KAZN: variants seen among roughly 807,000 people sequenced by gnomAD.
KAZN encodes the protein kazrin.
A neutral mutation model predicts 87.4 loss-of-function variants in KAZN; 40 were observed. The observed-to-expected ratio is 0.46, with a 90% CI of 0.36 to 0.60. The LOEUF (loss-of-function observed/expected upper bound fraction) is 0.60. Among genes scored for constraint, KAZN ranks in the 20% least tolerant of loss-of-function variants. The probability of loss-of-function intolerance (pLI) is 0.00; values close to 1 mark genes in which losing one functional copy is unlikely to be tolerated. For synonymous variants in KAZN, 466 were observed against 458.3 expected (o/e 1.02, Z -0.22); for missense variants, 898 against 1,073.9 (o/e 0.84, Z 2.29).
intron 1 of KAZN, among the ~76,000 whole-genome samples, chr1:14,892,282 G>A (rs1384627603): frequency 6.6e-6 from 1 of 152,098 alleles, no homozygotes; most frequent in African/African-American, 2.4e-5. Context: ...CCCGGGGCTC[G>A]CCTCCAGCCA....
At position 14,599,851 on chromosome 1, in the gene KAZN, G is replaced by A. The variant is rs1460546796; in HGVS notation, c.226+628G>A. On this transcript the variant is annotated intron_variant, in intron 1 of 14. Transcript: ENST00000376030. The surrounding 1 kb of genome is among the most constrained non-coding windows in gnomAD (Gnocchi z 4.4). ...TAAACACCGAGAGCACTTTCCAGGG[G>A]GATACTGTAGACCTCAAAGGTTGAG... is the stretch of plus-strand genomic sequence containing the variant. Among the ~76,000 whole-genome samples, 11 of 152,044 alleles carry A rather than the reference G, an allele frequency of 7.2e-5. No individual in the cohort carries two copies. Among genetic ancestry groups the A allele is most frequent in the Non-Finnish European group, 1.3e-4 (9 of 68,020 alleles).
intron 1 of KAZN, among the ~76,000 whole-genome samples, chr1:14,906,317 T>A (rs1429950182): frequency 6.6e-6 from 1 of 152,036 alleles, no homozygotes; most frequent in African/African-American, 2.4e-5. Flanking sequence ...GTATGCTAGG[T>A]GTTTTCTTTC....
chr1:14,063,274 A>C (rs930883310), intron 1 of KAZN, among the ~76,000 whole-genome samples: 1 of 152,206 alleles, frequency 6.6e-6, no homozygotes, highest in African/African-American at 2.4e-5. Context: ...CAAAACTTGA[A>C]TTGGTTGAGT....
At chr1:13,977,893 C>T (rs527340969) in intron 1 of KAZN, among the ~76,000 whole-genome samples, 4 of 152,158 alleles carry the variant, frequency 2.6e-5, no homozygotes, top group South Asian at 4.1e-4. Context: ...TTTGGGAGGC[C>T]GAGGCGGGTG....
chr1:14,100,859 T>G (rs1358213309), intron 1 of KAZN, among the ~76,000 whole-genome samples: 1 of 152,194 alleles, frequency 6.6e-6, no homozygotes, highest in Non-Finnish European at 1.5e-5. Context: ...AATTGAATCA[T>G]GGGATGGGTC....
chr1:14,058,984 A>G (rs1256532102), intron 1 of KAZN, among the ~76,000 whole-genome samples: 2 of 152,182 alleles, frequency 1.3e-5, no homozygotes, highest in Non-Finnish European at 2.9e-5. Context: ...CTATGATGCT[A>G]CCTCAGAGGA....
chr1:15,015,131 T>TC, intron 2 of KAZN, among the ~76,000 whole-genome samples: 1 of 147,342 alleles, frequency 6.8e-6, no homozygotes, highest in African/African-American at 2.6e-5. Flanking sequence ...AAGTTTTTTC[T>TC]TTTTATTTAT....
intron 2 of KAZN, among the ~76,000 whole-genome samples, chr1:14,193,294 C>G (rs1646459646): frequency 6.6e-6 from 1 of 152,124 alleles, no homozygotes; most frequent in Admixed American, 6.5e-5. Flanking sequence ...GACTAATACA[C>G]TGGTGTCTTT....
chr1:14,371,132 A>C (rs951153807), intron 2 of KAZN, among the ~76,000 whole-genome samples: 1 of 152,158 alleles, frequency 6.6e-6, no homozygotes, highest in Non-Finnish European at 1.5e-5. Flanking sequence ...GCTTACTAAA[A>C]CACAGCTGGG....
intron 2 of KAZN, among the ~76,000 whole-genome samples, chr1:14,355,665 G>C (rs972853106): frequency 6.6e-6 from 1 of 152,106 alleles, no homozygotes; most frequent in African/African-American, 2.4e-5. Flanking sequence ...GCACTTATGA[G>C]TGAGAACATG....
In KAZN at chr1:14,669,950, C is replaced by G. The variant is rs146944925; in HGVS notation, c.226+70727C>G. 2.1e-3 allele frequency among the ~76,000 whole-genome samples: 315 copies of G among 152,226 alleles called. 3 individuals are homozygous for G. The East Asian group carries it at 0.025, about 12-fold the overall frequency. On this transcript the variant is annotated intron_variant, in intron 1 of 14. Transcript: ENST00000376030. Reference sequence around the variant, plus strand: ...GGCTACCAAGAAGTACAAATCTGCCCTCAAGATTACCATTGACTTGAGGAG... The same window carrying G: ...GGCTACCAAGAAGTACAAATCTGCCGTCAAGATTACCATTGACTTGAGGAG...
intron 1 of KAZN, among the ~76,000 whole-genome samples, chr1:14,750,578 G>T (rs1572390680): frequency 2.1e-5 from 3 of 142,180 alleles, no homozygotes; most frequent in East Asian, 2.1e-4. Context: ...TTTGATTTTT[G>T]TACATGACAA....
Position 14,385,291 on chromosome 1 carries a change from A to G in KAZN, c.249+204699A>G, listed in dbSNP as rs577829416. Among the ~76,000 whole-genome samples, 438 of 152,054 alleles carry G rather than the reference A, an allele frequency of 2.9e-3. 1 individual carries two copies. The highest frequency in any genetic ancestry group is 9.6e-3 in the African/African-American group (397 of 41,488). On this transcript the variant is annotated intron_variant, in intron 2 of 16. Transcript: ENST00000636203. ...CCTGGATTCATTAATTTTTTGAAAGATTTTTTGTGTCTCTATTTCCTTCAG... is the reference window on the plus strand; with the variant it reads ...CCTGGATTCATTAATTTTTTGAAAGGTTTTTTGTGTCTCTATTTCCTTCAG...
intron 8 of KAZN, among the ~76,000 whole-genome samples, chr1:15,089,279 T>G (rs1640416392): frequency 6.6e-6 from 1 of 152,156 alleles, no homozygotes; most frequent in South Asian, 2.1e-4. Context: ...AGCCAAGGGC[T>G]GCAGACACCC....
intron 2 of KAZN, among the ~76,000 whole-genome samples, chr1:15,010,882 G>A (rs991597777): frequency 2.6e-5 from 4 of 152,080 alleles, no homozygotes; most frequent in Non-Finnish European, 5.9e-5. Context: ...ACGAAAGCTG[G>A]GTAATTAACA....
intron 1 of KAZN, among the ~76,000 whole-genome samples, chr1:14,087,813 G>A (rs533024312): frequency 3.9e-5 from 6 of 151,970 alleles, no homozygotes; most frequent in Admixed American, 6.6e-5. Flanking sequence ...AGCTGGTCAT[G>A]GTATATTTTT....
intron 1 of KAZN, among the ~76,000 whole-genome samples, chr1:14,019,946 A>ATTT (rs1410993433): frequency 6.6e-6 from 1 of 152,090 alleles, no homozygotes; most frequent in East Asian, 1.9e-4. Context: ...TTACATTGAA[A>ATTT]TATATAATGA....
rs1009948553 is a variant in KAZN at position 14,452,511 on chromosome 1, A to G, written c.250-146472A>G. Among the ~76,000 whole-genome samples the G allele has an allele frequency of 2.6e-5, 4 of 152,194 alleles. No homozygotes were observed. In the East Asian group the frequency reaches 5.8e-4, roughly 22 times the overall value. Reference sequence around the variant, plus strand: ...GACAGGCAAAAGGCGCTCAGTCACAATATACCTTGAGGGTTTGGATTTATG... The same window carrying G: ...GACAGGCAAAAGGCGCTCAGTCACAGTATACCTTGAGGGTTTGGATTTATG... On this transcript the variant is annotated intron_variant, in intron 2 of 16. Transcript: ENST00000636203.
intron 1 of KAZN, among the ~76,000 whole-genome samples, chr1:13,965,302 C>G (rs1641902454): frequency 6.6e-6 from 1 of 152,130 alleles, no homozygotes; most frequent in Non-Finnish European, 1.5e-5. Context: ...GAGATGGTGA[C>G]TCACGCCCTG....
Sources: allele counts gnomAD v4.1 joint callset (sites outside exome capture counted in the v4.1 genomes callset), GRCh38; gene constraint gnomAD v4.1.1; non-coding constraint Gnocchi (gnomAD v3.1); transcripts MANE v1.5; gene names NCBI Gene and HGNC (gene_info 2026-07-23, HGNC 2026-07-21).